ABLIM1: variants seen among roughly 807,000 people sequenced by gnomAD.
ABLIM1 encodes the protein actin binding LIM protein 1.
ABLIM1 carries 40 observed loss-of-function variants against 107.0 expected under a neutral mutation model. The observed-to-expected ratio is 0.37, with a 90% CI of 0.29 to 0.49. The LOEUF is 0.49. Among genes scored for constraint, ABLIM1 ranks in the 20% least tolerant of loss-of-function variants. ABLIM1 has a pLI of 0.97. For synonymous variants in ABLIM1, 357 were observed against 357.3 expected (o/e 1.00, Z 0.01); for missense variants, 857 against 1,008.5 (o/e 0.85, Z 2.04).
intron 6 of ABLIM1, among the ~76,000 whole-genome samples, chr10:114,504,693 T>C (rs1300662614): frequency 6.6e-6 from 1 of 152,082 alleles, no homozygotes; most frequent in Non-Finnish European, 1.5e-5. Context: ...ACATCAAGAA[T>C]GATAAAAAGG....
rs562580819 is a variant in ABLIM1, at chr10:114,684,533, G to A, written c.-180C>T. The A allele has an allele frequency of 2.2e-4, 312 of 1,404,488 alleles. 3 individuals carry two copies. In the South Asian group the frequency reaches 4.9e-3, roughly 22 times the overall value. The allele number at this position is 1,404,488 out of a possible 1,614,324, so 87.0% of individuals were successfully genotyped here. A position where few individuals can be genotyped will look rare whatever the true frequency, so the allele number is the denominator to read the frequency against. On this transcript the variant is annotated 5_prime_UTR_variant, in exon 1 of 24. Coordinates refer to the ABLIM1 transcript ENST00000369256. ...GTGCCACAGCCAGCGCAGGAAGAAT[G>A]AGGAGTTTCCTGAGTGACTCTGGCT...
chr10:114,486,372 A>G (rs1256058625), intron 8 of ABLIM1, among the ~76,000 whole-genome samples: 2 of 152,190 alleles, frequency 1.3e-5, no homozygotes, highest in Non-Finnish European at 2.9e-5. Flanking sequence ...GCAACACTGG[A>G]GAGAGAGTAC....
chr10:114,784,205 G>C, the ABLIM1 span, among the ~76,000 whole-genome samples: 1 of 151,592 alleles, frequency 6.6e-6, no homozygotes, highest in South Asian at 2.1e-4. Context: ...AATTAGCCAG[G>C]CTCGGTGGTG....
chr10:114,451,676 G>A lies in ABLIM1; in HGVS notation c.1547-5C>T, dbSNP rs1029021566. 1.2e-6 allele frequency: 2 copies of A among 1,608,966 alleles called. No individual in the cohort carries two copies. The highest frequency in any genetic ancestry group is 1.3e-5 in the African/African-American group (1 of 74,612). On this transcript the variant is annotated splice_polypyrimidine_tract_variant and splice_region_variant and intron_variant, in intron 13 of 22. Coordinates refer to ENST00000533213, the MANE Select transcript of ABLIM1 (RefSeq NM_002313.7). ...GGTAAATGTTGATTCCTTGATCTGT[G>A]GAAATGAAAAGCAAAGGTGTGTGAT...
intron 6 of ABLIM1, among the ~76,000 whole-genome samples, chr10:114,498,873 T>C (rs558120315): frequency 6.6e-6 from 1 of 152,334 alleles, no homozygotes; most frequent in East Asian, 1.9e-4. Flanking sequence ...CTACAGAAGG[T>C]AGGTTTCCTG....
At chr10:114,565,524 G>C (rs1304445455) in intron 4 of ABLIM1, among the ~76,000 whole-genome samples, 1 of 152,136 alleles carries the variant, frequency 6.6e-6, no homozygotes, top group African/African-American at 2.4e-5. Context: ...GTGGAGGATG[G>C]GGAAGTAAAG....
intron 1 of ABLIM1, among the ~76,000 whole-genome samples, chr10:114,701,081 A>G (rs1032227417): frequency 3.9e-5 from 6 of 152,164 alleles, no homozygotes; most frequent in Non-Finnish European, 7.4e-5. Context: ...AAAAACTCCT[A>G]CAACTCAATA....
intron 6 of ABLIM1, among the ~76,000 whole-genome samples, chr10:114,543,092 T>C (rs2066898891): frequency 1.3e-5 from 2 of 152,346 alleles, no homozygotes; most frequent in East Asian, 3.9e-4. Flanking sequence ...CCCAAAGTTC[T>C]GTAGTAGCCT....
the ABLIM1 span, among the ~76,000 whole-genome samples, chr10:114,775,356 G>C: frequency 6.6e-6 from 1 of 152,308 alleles, no homozygotes; most frequent in Non-Finnish European, 1.5e-5. Flanking sequence ...TTGAGAATTA[G>C]ATATGTGGGA....
intron 17 of ABLIM1, among the ~76,000 whole-genome samples, chr10:114,443,672 T>TAAA (rs11418258): frequency 7.7e-4 from 83 of 107,194 alleles, no homozygotes; most frequent in African/African-American, 1.4e-3. Context: ...TCATGTTATC[T>TAAA]AAAAAAAAAA....
intron 8 of ABLIM1, among the ~76,000 whole-genome samples, chr10:114,475,857 C>T (rs1461552908): frequency 6.6e-6 from 1 of 152,190 alleles, no homozygotes; most frequent in African/African-American, 2.4e-5. Flanking sequence ...TTTTGGAACA[C>T]TTCCTCCCCT....
chr10:114,663,470 A>C (rs938582903), intron 1 of ABLIM1, among the ~76,000 whole-genome samples: 1 of 152,222 alleles, frequency 6.6e-6, no homozygotes, highest in Non-Finnish European at 1.5e-5. Context: ...GTAATTCTCT[A>C]TAAGTCACTG....
chr10:114,586,802 T>C (rs2074248613), intron 2 of ABLIM1, among the ~76,000 whole-genome samples: 1 of 152,110 alleles, frequency 6.6e-6, no homozygotes, highest in African/African-American at 2.4e-5. Context: ...CTAGGTGAAA[T>C]CCCAGGGATT....
chr10:114,441,731 C>G lies in ABLIM1; in HGVS notation c.1989G>C (p.Gly663=), dbSNP rs746733134. The part of the protein sequence containing the change: ...TASLPGYGRN[G]LHRPVSTDFA... Reference sequence around the variant, plus strand: ...CGGGGAGAAATCTTACCCGGTGAAGCCCATTTCTTCCATAGCCAGGGAGAG... The same window carrying G: ...CGGGGAGAAATCTTACCCGGTGAAGGCCATTTCTTCCATAGCCAGGGAGAG... Residue 663 remains glycine, a synonymous_variant, in exon 18 of 23, where the codon GGG becomes GGC. Coordinates refer to ENST00000533213, the MANE Select transcript of ABLIM1 (RefSeq NM_002313.7). 1 of 1,613,520 alleles carries G rather than the reference C, an allele frequency of 6.2e-7. No individual in the cohort carries two copies. Among genetic ancestry groups the G allele is most frequent in the Non-Finnish European group, 8.5e-7 (1 of 1,179,620 alleles).
intron 1 of ABLIM1, among the ~76,000 whole-genome samples, chr10:114,742,661 G>A (rs1349506366): frequency 1.3e-5 from 2 of 152,152 alleles, no homozygotes; most frequent in African/African-American, 4.8e-5. Flanking sequence ...AGGCACAGTG[G>A]CTCATGCTTG....
intron 1 of ABLIM1, among the ~76,000 whole-genome samples, chr10:114,633,884 T>C (rs2078324820): frequency 6.6e-6 from 1 of 152,074 alleles, no homozygotes; most frequent in East Asian, 1.9e-4. Flanking sequence ...ATCTATTTTA[T>C]TATATTTTTG....
chr10:114,462,003 G>A (rs183107613), intron 12 of ABLIM1, among the ~76,000 whole-genome samples: 1 of 152,114 alleles, frequency 6.6e-6, no homozygotes, highest in Admixed American at 6.6e-5. Flanking sequence ...CATAGAGAAT[G>A]CTGAAATTAG....
At chr10:114,788,345 A>AT in the ABLIM1 span, among the ~76,000 whole-genome samples, 1,583 of 111,048 alleles carry the variant, frequency 0.014, 18 homozygotes, top group Middle Eastern at 0.035. Flanking sequence ...AAAAAAAAAA[A>AT]AAATAAATAA....
At chr10:114,731,691 C>A (rs1299129363) in intron 1 of ABLIM1, among the ~76,000 whole-genome samples, 2 of 151,716 alleles carry the variant, frequency 1.3e-5, no homozygotes, top group African/African-American at 4.8e-5. Flanking sequence ...CTCACTGCAA[C>A]CTCCACCTCC....
Sources: gnomAD v4.1 joint callset for allele counts (sites outside exome capture counted in the v4.1 genomes callset) on GRCh38, gnomAD v4.1.1 for gene constraint, MANE v1.5 for transcripts, NCBI Gene and HGNC (gene_info 2026-07-23, HGNC 2026-07-21) for gene names.